The following RALY variants were observed in gnomAD, a reference collection of about 807,000 sequenced individuals.
The protein encoded by RALY is RALY heterogeneous nuclear ribonucleoprotein, also known as RNA-binding protein Raly.
Under a neutral mutation model 30.7 loss-of-function variants are expected in RALY, and 15 were observed. The observed-to-expected ratio is 0.49, with a 90% CI of 0.33 to 0.75. RALY has a LOEUF of 0.75. Among genes scored for constraint, RALY ranks in the 30% least tolerant of loss-of-function variants. RALY has a pLI of 0.02. For synonymous variants in RALY, 177 were observed against 170.8 expected (o/e 1.04, Z -0.28); for missense variants, 339 against 414.3 (o/e 0.82, Z 1.58).
chr20:34,068,027 G>C (rs1290857018), intron 2 of RALY, among the ~76,000 whole-genome samples: 1 of 151,952 alleles, frequency 6.6e-6, no homozygotes, highest in African/African-American at 2.4e-5. Flanking sequence ...CTGTTCTTCC[G>C]AGTAAGAGCA....
intron 1 of RALY, among the ~76,000 whole-genome samples, chr20:34,003,637 T>G (rs1043430821): frequency 4.3e-4 from 60 of 140,948 alleles, no homozygotes; most frequent in Admixed American, 8.4e-4. Context: ...CCAAACAGTT[T>G]TTTTTTTTTT....
At chr20:34,067,946 G>T (rs1353588632) in intron 2 of RALY, among the ~76,000 whole-genome samples, 1 of 151,938 alleles carries the variant, frequency 6.6e-6, no homozygotes, top group Non-Finnish European at 1.5e-5. Context: ...GACCCATGGG[G>T]TAATCTTGTC....
intron 2 of RALY, among the ~76,000 whole-genome samples, chr20:34,057,384 C>T (rs1224422847): frequency 6.6e-6 from 1 of 152,128 alleles, no homozygotes; most frequent in Non-Finnish European, 1.5e-5. Context: ...AAATAATAAA[C>T]CAGCCAGGTG....
chr20:34,034,024 C>CCGTG (rs2032382169), intron 2 of RALY, among the ~76,000 whole-genome samples: 1 of 152,184 alleles, frequency 6.6e-6, no homozygotes, highest in Non-Finnish European at 1.5e-5. Flanking sequence ...CACTCATGAA[C>CCGTG]CGTGGTATAG....
intron 2 of RALY, among the ~76,000 whole-genome samples, chr20:34,068,907 C>T (rs1473345348): frequency 6.6e-6 from 1 of 152,198 alleles, no homozygotes; most frequent in Admixed American, 6.5e-5. Flanking sequence ...TGTAGCACAT[C>T]CCACTTTCCA....
At chr20:34,000,234 G>A (rs1356782176) in intron 1 of RALY, among the ~76,000 whole-genome samples, 1 of 152,154 alleles carries the variant, frequency 6.6e-6, no homozygotes, top group Non-Finnish European at 1.5e-5. Flanking sequence ...GAATAAATAG[G>A]AAGTCTTGTC....
intron 1 of RALY, among the ~76,000 whole-genome samples, chr20:34,010,933 G>T (rs547261928): frequency 6.6e-6 from 1 of 150,780 alleles, no homozygotes; most frequent in East Asian, 2.0e-4. Context: ...TGAACTGTGA[G>T]CTCTATGAAG....
At chr20:34,053,744 C>T (rs766670900) in intron 2 of RALY, among the ~76,000 whole-genome samples, 20 of 152,154 alleles carry the variant, frequency 1.3e-4, no homozygotes, top group Non-Finnish European at 2.4e-4. Context: ...CAGGGATTAA[C>T]TTATGGTCTC....
chr20:34,069,409 T>C (rs950854667), intron 2 of RALY, among the ~76,000 whole-genome samples: 3 of 152,152 alleles, frequency 2.0e-5, no homozygotes, highest in Admixed American at 6.5e-5. Context: ...CAGCAAATGC[T>C]TCCTGCTCAG....
intron 1 of RALY, among the ~76,000 whole-genome samples, chr20:34,025,896 G>GTTA (rs1555802852): frequency 6.7e-5 from 5 of 75,052 alleles, no homozygotes; most frequent in Non-Finnish European, 1.4e-4. Flanking sequence ...TAGATTCCTG[G>GTTA]TTGTTTTTTT....
At chr20:34,037,332 G>C (rs903372098) in intron 2 of RALY, among the ~76,000 whole-genome samples, 9 of 152,188 alleles carry the variant, frequency 5.9e-5, no homozygotes, top group African/African-American at 1.9e-4. Flanking sequence ...CAGGAAGTCA[G>C]GTGACACATG....
At chr20:34,051,044 A>G (rs1157339516) in intron 2 of RALY, among the ~76,000 whole-genome samples, 1 of 152,190 alleles carries the variant, frequency 6.6e-6, no homozygotes, top group Non-Finnish European at 1.5e-5. Flanking sequence ...ATGACTGGGA[A>G]CCTTGCAAGA....
At chr20:34,072,555 G>A (rs1192370206) in intron 3 of RALY, among the ~76,000 whole-genome samples, 1 of 152,226 alleles carries the variant, frequency 6.6e-6, no homozygotes. Context: ...CTTTCTCAGA[G>A]CTTCTTAGTG....
chr20:34,052,718 C>T (rs1330622185), intron 2 of RALY, among the ~76,000 whole-genome samples: 9 of 152,160 alleles, frequency 5.9e-5, no homozygotes, highest in Admixed American at 2.0e-4. Flanking sequence ...CGTGCAAAGT[C>T]GAACTCTGTT....
intron 1 of RALY, among the ~76,000 whole-genome samples, chr20:34,004,816 A>G (rs1173470604): frequency 6.6e-6 from 1 of 152,240 alleles, no homozygotes; most frequent in Non-Finnish European, 1.5e-5. Flanking sequence ...TTAGTCTCTC[A>G]GAGCTCATCT....
At chr20:33,996,648 AT>A (rs1261149895) in intron 1 of RALY, among the ~76,000 whole-genome samples, 1 of 152,138 alleles carries the variant, frequency 6.6e-6, no homozygotes, top group Non-Finnish European at 1.5e-5. Flanking sequence ...TAAAATATAT[AT>A]AACATAAAAT....
chr20:34,007,073 G>A (rs959436530), intron 1 of RALY, among the ~76,000 whole-genome samples: 1 of 152,098 alleles, frequency 6.6e-6, no homozygotes, highest in African/African-American at 2.4e-5. Flanking sequence ...TGACAACCCT[G>A]CAAAAATAGG....
chr20:34,030,665 C>T (rs542705524), intron 1 of RALY, among the ~76,000 whole-genome samples: 121 of 152,288 alleles, frequency 7.9e-4, no homozygotes, highest in African/African-American at 2.8e-3. Context: ...TTTGATCTTG[C>T]GCAAGTAACC....
At chr20:34,007,167 G>A (rs538808165) in intron 1 of RALY, among the ~76,000 whole-genome samples, 23 of 152,274 alleles carry the variant, frequency 1.5e-4, no homozygotes, top group South Asian at 4.1e-4. Flanking sequence ...TTGAACACAG[G>A]CCTACTTGTC....
Sources: gnomAD v4.1 joint callset for allele counts (sites outside exome capture counted in the v4.1 genomes callset) on GRCh38, gnomAD v4.1.1 for gene constraint, MANE v1.5 for transcripts, NCBI Gene and HGNC (gene_info 2026-07-23, HGNC 2026-07-21) for gene names.